HDAC9: variants seen among roughly 807,000 people sequenced by gnomAD.
HDAC9 encodes MEF-2 interacting transcription repressor (MITR) protein.
HDAC9 carries 41 observed loss-of-function variants against 139.4 expected under a neutral mutation model. The ratio of observed to expected loss-of-function variants is 0.29; its 90% confidence interval spans 0.23 to 0.38. The LOEUF (loss-of-function observed/expected upper bound fraction) is 0.38, where lower values mean the gene tolerates loss of function less well. Ranked by LOEUF, HDAC9 falls within the 10% of genes least tolerant of loss-of-function variation. The pLI is 1.00. For missense variants in HDAC9, 1,147 were observed against 1,297.0 expected (o/e 0.88, Z 1.78); for synonymous variants, 517 against 476.2 (o/e 1.09, Z -1.12).
chr7:18,424,358 T>A (rs1232851869), intron 1 of HDAC9, among the ~76,000 whole-genome samples: 1 of 152,224 alleles, frequency 6.6e-6, no homozygotes, highest in African/African-American at 2.4e-5. Context: ...TTTACTCATT[T>A]GTATAATGAA....
intron 23 of HDAC9, 134 bp downstream of exon 23, chr7:18,936,076 C>T (rs958971265): frequency 1.2e-6 from 1 of 837,164 alleles, no homozygotes. Context: ...GAAGGTAAGC[C>T]TTAGATAAGT....
chr7:18,949,647 C>G (rs1412273807), intron 23 of HDAC9: 1 of 158,248 alleles, frequency 6.3e-6, no homozygotes, highest in Non-Finnish European at 1.4e-5. Flanking sequence ...AACTGGTGCT[C>G]ATTTTCATCA....
chr7:18,894,818 A>G (rs1213380632), intron 22 of HDAC9, among the ~76,000 whole-genome samples: 1 of 152,162 alleles, frequency 6.6e-6, no homozygotes, highest in Non-Finnish European at 1.5e-5. Flanking sequence ...TGAATTTGTG[A>G]AAGAATTGAG....
At chr7:18,593,262 G>C (rs1213993328) in intron 5 of HDAC9, among the ~76,000 whole-genome samples, 5 of 151,864 alleles carry the variant, frequency 3.3e-5, no homozygotes, top group African/African-American at 1.2e-4. Flanking sequence ...ATATCTACTA[G>C]ATAGTCAATA....
intron 6 of HDAC9, among the ~76,000 whole-genome samples, chr7:18,604,967 T>C (rs1835049956): frequency 6.6e-6 from 1 of 152,216 alleles, no homozygotes; most frequent in Non-Finnish European, 1.5e-5. Flanking sequence ...TTATAATTTT[T>C]TGTTAAAAGC....
intron 22 of HDAC9, among the ~76,000 whole-genome samples, chr7:18,884,401 T>A (rs1166406618): frequency 6.6e-6 from 1 of 152,122 alleles, no homozygotes; most frequent in South Asian, 2.1e-4. Flanking sequence ...CCATACACCA[T>A]GGTCAATTGA....
intron 1 of HDAC9, among the ~76,000 whole-genome samples, chr7:18,319,707 A>C (rs1260330317): frequency 7.6e-6 from 1 of 132,222 alleles, no homozygotes; most frequent in Admixed American, 7.9e-5. Flanking sequence ...TCCTCAAAAA[A>C]ATTTTTAGCC....
At chr7:18,457,000 G>A (rs73060384) in intron 1 of HDAC9, among the ~76,000 whole-genome samples, 2,968 of 152,208 alleles carry the variant, frequency 0.019, 43 homozygotes, top group Non-Finnish European at 0.029. Flanking sequence ...GCTACAAATT[G>A]TGTTGTCCTC....
chr7:18,394,119 C>T (rs1585592381), intron 1 of HDAC9, among the ~76,000 whole-genome samples: 1 of 152,076 alleles, frequency 6.6e-6, no homozygotes, highest in South Asian at 2.1e-4. Flanking sequence ...TTTCTGTGTA[C>T]CTTAGTCTTT....
At chr7:18,912,558 A>G (rs953226175) in intron 22 of HDAC9, among the ~76,000 whole-genome samples, 3 of 152,080 alleles carry the variant, frequency 2.0e-5, no homozygotes, top group Non-Finnish European at 4.4e-5. Context: ...GGCAGTATCT[A>G]GAGACATTGT....
upstream of HDAC9, among the ~76,000 whole-genome samples, chr7:18,493,577 T>C (rs79539898): frequency 5.9e-5 from 9 of 152,040 alleles, 1 homozygote; most frequent in East Asian, 1.7e-3. Flanking sequence ...TTTTTCTTAA[T>C]ATAAGAAGTT....
At chr7:18,936,798 AT>A (rs996201161) in intron 23 of HDAC9, among the ~76,000 whole-genome samples, 1 of 152,036 alleles carries the variant, frequency 6.6e-6, no homozygotes, top group Non-Finnish European at 1.5e-5. Flanking sequence ...CATTCATATC[AT>A]TTTTTTAACT....
intron 1 of HDAC9, among the ~76,000 whole-genome samples, chr7:18,463,078 T>G (rs1793984421): frequency 1.3e-5 from 2 of 152,020 alleles, no homozygotes; most frequent in Non-Finnish European, 2.9e-5. Context: ...GTTTCAGTTT[T>G]AATTAAAATT....
At chr7:18,519,845 A>G (rs1025166148) in intron 2 of HDAC9, among the ~76,000 whole-genome samples, 1 of 152,172 alleles carries the variant, frequency 6.6e-6, no homozygotes, top group Non-Finnish European at 1.5e-5. Flanking sequence ...GGGCAATCTA[A>G]CTATAAGTCA....
intron 1 of HDAC9, among the ~76,000 whole-genome samples, chr7:18,157,848 A>AGAGACT (rs1554314558): frequency 2.1e-5 from 3 of 142,182 alleles, no homozygotes; most frequent in Non-Finnish European, 3.1e-5. Flanking sequence ...AGAGAGAGAG[A>AGAGACT]GAGACTGAGG....
chr7:18,716,905 T>C (rs566099886), intron 12 of HDAC9, among the ~76,000 whole-genome samples: 16 of 152,190 alleles, frequency 1.1e-4, no homozygotes, highest in Non-Finnish European at 1.8e-4. Context: ...AACAGTCCTG[T>C]CTTATAAGTC....
intron 12 of HDAC9, among the ~76,000 whole-genome samples, chr7:18,703,325 T>G (rs1440388830): frequency 6.6e-6 from 1 of 152,142 alleles, no homozygotes; most frequent in African/African-American, 2.4e-5. Flanking sequence ...ACTTCCTATT[T>G]TCATCAAATT....
chr7:18,262,131 G>A lies in HDAC9; in HGVS notation c.25+99782G>A, dbSNP rs148105142. ...TCTTTAAAAATAAAACCAAAACAAA[G>A]CAATTAACTGCAAAGGGCTATAGTA... is the stretch of plus-strand genomic sequence containing the variant. On this transcript the variant is annotated intron_variant, in intron 2 of 12. Transcript: ENST00000417496. 1.8e-3 allele frequency among the ~76,000 whole-genome samples: 275 copies of A among 152,198 alleles called. 1 individual carries two copies. Among genetic ancestry groups the A allele is most frequent in the African/African-American group, 6.2e-3 (256 of 41,542 alleles).
At chr7:18,480,086 A>AT (rs1023574979) in intron 1 of HDAC9, among the ~76,000 whole-genome samples, 1 of 144,958 alleles carries the variant, frequency 6.9e-6, no homozygotes, top group Non-Finnish European at 1.5e-5. Context: ...ACTTTTTAGA[A>AT]TTTTTTTCTG....
Sources: allele counts gnomAD v4.1 joint callset (sites outside exome capture counted in the v4.1 genomes callset), GRCh38; gene constraint gnomAD v4.1.1; transcripts MANE v1.5; gene names NCBI Gene and HGNC (gene_info 2026-07-23, HGNC 2026-07-21).